SDCBP: variants seen among roughly 807,000 people sequenced by gnomAD.
The protein encoded by SDCBP is syntenin-1.
In SDCBP, 22 loss-of-function variants were observed where a neutral mutation model predicts 30.5. That is an observed-to-expected ratio of 0.72 (90% confidence interval 0.52 to 1.03). The LOEUF is 1.03. Ranked by LOEUF, SDCBP falls within the 50% of genes least tolerant of loss-of-function variation. SDCBP has a pLI of 0.00. For synonymous variants in SDCBP, 103 were observed against 118.7 expected, an observed-to-expected ratio of 0.87 and a Z score of 0.86; for missense variants, 304 against 369.9, an observed-to-expected ratio of 0.82 and a Z score of 1.46.
intron 2 of SDCBP, among the ~76,000 whole-genome samples, chr8:58,567,449 T>G (rs1339062751): frequency 6.6e-6 from 1 of 152,206 alleles, no homozygotes; most frequent in Admixed American, 6.5e-5. Flanking sequence ...TCCTCACACA[T>G]GCACAACCTC....
chr8:58,565,920 G>T (rs1185579435), intron 2 of SDCBP, among the ~76,000 whole-genome samples: 3 of 151,968 alleles, frequency 2.0e-5, no homozygotes, highest in Non-Finnish European at 4.4e-5. Flanking sequence ...ATTTTATTGG[G>T]TCCCTGTCTT....
At chr8:58,553,640 G>T (rs989467414) in intron 1 of SDCBP, among the ~76,000 whole-genome samples, 1 of 152,228 alleles carries the variant, frequency 6.6e-6, no homozygotes, top group Non-Finnish European at 1.5e-5. Context: ...CCCCGCCCCA[G>T]CTCTGGGGTT....
intron 1 of SDCBP, among the ~76,000 whole-genome samples, chr8:58,555,514 A>G (rs1804048399): frequency 6.6e-6 from 1 of 151,934 alleles, no homozygotes; most frequent in Non-Finnish European, 1.5e-5. Flanking sequence ...AACCCCCAGG[A>G]TACTTATTAA....
intron 2 of SDCBP, among the ~76,000 whole-genome samples, chr8:58,567,377 T>C (rs1804757092): frequency 6.6e-6 from 1 of 152,218 alleles, no homozygotes; most frequent in Non-Finnish European, 1.5e-5. Flanking sequence ...ATTAATAAGC[T>C]GTGTTTTAGA....
At chr8:58,579,504 C>A in intron 6 of SDCBP, 119 bp from the exon 7 acceptor site, 1 of 694,840 alleles carries the variant, frequency 1.4e-6, no homozygotes, top group Non-Finnish European at 2.1e-6. Context: ...ATAAGTTGCT[C>A]TTATTAGAAA....
intron 2 of SDCBP, 127 bp downstream of exon 2, chr8:58,565,211 T>C: frequency 2.3e-6 from 1 of 430,940 alleles, no homozygotes; most frequent in Non-Finnish European, 4.1e-6. Context: ...AAACCTTTTT[T>C]TAGTTTTATT....
Position 58,576,032 on chromosome 8 carries a change from A to C in SDCBP, c.373A>C (p.Ile125Leu), listed in dbSNP as rs542469774. 5.9e-5 allele frequency: 96 copies of C among 1,613,546 alleles called. 1 individual carries two copies. The South Asian group carries it at 1.0e-3, about 17-fold the overall frequency. ...TTTGTGTAAGGATCAAGATGGAAAA[A>C]TTGGACTCAGGCTTAAATCAATAGA... ...VILCKDQDGK[I>L]GLRLKSIDNG... Residue 125 changes from isoleucine to leucine, a missense_variant, in exon 5 of 9, where the codon ATT (isoleucine) becomes CTT (leucine). Physicochemically the swap from Ile to Leu is conservative, Grantham distance 5. Transcript: ENST00000260130.
At chr8:58,566,689 T>C (rs1031781272) in intron 2 of SDCBP, among the ~76,000 whole-genome samples, 4 of 152,216 alleles carry the variant, frequency 2.6e-5, no homozygotes, top group African/African-American at 9.6e-5. Context: ...TTTGTTTTTT[T>C]GCATCATTTT....
intron 1 of SDCBP, among the ~76,000 whole-genome samples, chr8:58,557,527 T>C (rs1804215516): frequency 7.1e-6 from 1 of 141,780 alleles, no homozygotes; most frequent in South Asian, 2.2e-4. Context: ...ATATAGCCTT[T>C]TGGTGTTCTG....
At chr8:58,581,589 G>T in intron 8 of SDCBP, 97 bp from the exon 9 acceptor site, 2 of 837,412 alleles carry the variant, frequency 2.4e-6, no homozygotes, top group Non-Finnish European at 4.1e-6. Context: ...ATGCTAACAG[G>T]TGCTAAATTG....
At position 58,556,891 on chromosome 8, in the gene SDCBP, G is replaced by A. The variant is rs533679980; in HGVS notation, c.-16+3588G>A. Reference sequence around the variant, plus strand: ...ATATAATACATATATATTATAATACGTATAATACGTATTATAATATATTCT... The same window carrying A: ...ATATAATACATATATATTATAATACATATAATACGTATTATAATATATTCT... On this transcript the variant is annotated intron_variant, in intron 1 of 8. Transcript: ENST00000260130. Among the ~76,000 whole-genome samples, 15 of 137,334 alleles carry A rather than the reference G, an allele frequency of 1.1e-4. No homozygotes were observed. In the East Asian group the frequency reaches 1.7e-3, roughly 16 times the overall value. 90.1% of individuals were successfully genotyped at this position (137,334 alleles called of 152,430 possible).
chr8:58,570,469 T>C (rs1804951336), intron 2 of SDCBP, among the ~76,000 whole-genome samples: 1 of 149,922 alleles, frequency 6.7e-6, no homozygotes, highest in East Asian at 1.9e-4. Flanking sequence ...GGTGTTTTTC[T>C]GATATGTGAC....
At chr8:58,564,183 AAG>A (rs569596481) in intron 1 of SDCBP, among the ~76,000 whole-genome samples, 77 of 152,344 alleles carry the variant, frequency 5.1e-4, no homozygotes, top group African/African-American at 1.8e-3. Context: ...AGAAAGCAAT[AAG>A]AAGTGGATTT....
chr8:58,580,617 A>C lies in SDCBP; in HGVS notation c.842+9A>C. On this transcript the variant is annotated intron_variant, in intron 8 of 8. Transcript: ENST00000260130. ...GAACATATTATTAAGCGGTAAGTAAACAATTCCTCAACTTAATGCATATGG... is the reference window on the plus strand; with the variant it reads ...GAACATATTATTAAGCGGTAAGTAACCAATTCCTCAACTTAATGCATATGG... 1 of 1,337,642 alleles carries C rather than the reference A, an allele frequency of 7.5e-7. No individual in the cohort carries two copies. The highest frequency in any genetic ancestry group is 1.1e-6 in the Non-Finnish European group (1 of 928,872). 82.9% of individuals were successfully genotyped at this position (1,337,642 alleles called of 1,614,324 possible). A position where few individuals can be genotyped will look rare whatever the true frequency, so the allele number is the denominator to read the frequency against.
intron 1 of SDCBP, 121 bp downstream of exon 1, chr8:58,553,424 C>T (rs1406005169): frequency 6.5e-6 from 1 of 152,732 alleles, no homozygotes; most frequent in Admixed American, 6.5e-5. Flanking sequence ...CAGCCGTTTT[C>T]GCGAGGCAGC....
intron 1 of SDCBP, among the ~76,000 whole-genome samples, chr8:58,555,313 C>T (rs1804038459): frequency 6.6e-6 from 1 of 152,128 alleles, no homozygotes; most frequent in Non-Finnish European, 1.5e-5. Flanking sequence ...ACTGCAAACC[C>T]ACTCTGTATG....
chr8:58,557,797 G>T (rs1297402586), intron 1 of SDCBP, among the ~76,000 whole-genome samples: 1 of 152,054 alleles, frequency 6.6e-6, no homozygotes, highest in Non-Finnish European at 1.5e-5. Context: ...AAGAGTAGTG[G>T]GAGTTTTATC....
chr8:58,578,640 C>T (rs1805485684), intron 6 of SDCBP, among the ~76,000 whole-genome samples: 1 of 152,142 alleles, frequency 6.6e-6, no homozygotes, highest in Non-Finnish European at 1.5e-5. Flanking sequence ...CAGTAGTTTT[C>T]AAGAACATGG....
At chr8:58,574,031 A>C (rs569427247) in intron 4 of SDCBP, among the ~76,000 whole-genome samples, 1 of 152,302 alleles carries the variant, frequency 6.6e-6, no homozygotes, top group South Asian at 2.1e-4. Flanking sequence ...ACATATTCTT[A>C]TTGTTATTTG....
Sources: allele counts gnomAD v4.1 joint callset (sites outside exome capture counted in the v4.1 genomes callset), GRCh38; gene constraint gnomAD v4.1.1; transcripts MANE v1.5; gene names NCBI Gene and HGNC (gene_info 2026-07-23, HGNC 2026-07-21).